The following NYAP2 variants were observed in gnomAD, a reference collection of about 807,000 sequenced individuals.
NYAP2 encodes the protein neuronal tyrosine-phosphorylated phosphoinositide-3-kinase adaptor 2.
NYAP2 carries 23 observed loss-of-function variants against 50.4 expected under a neutral mutation model. The observed-to-expected ratio is 0.46, with a 90% CI of 0.33 to 0.65. NYAP2 has a LOEUF of 0.65. NYAP2 is among the 30% of genes least tolerant of loss of function. NYAP2 has a pLI of 0.02. For synonymous variants in NYAP2, 394 were observed against 365.2 expected, an observed-to-expected ratio of 1.08 and a Z score of -0.90; for missense variants, 885 against 861.0, an observed-to-expected ratio of 1.03 and a Z score of -0.35.
At chr2:225,520,842 G>A (rs1329854899) in intron 4 of NYAP2, among the ~76,000 whole-genome samples, 1 of 152,084 alleles carries the variant, frequency 6.6e-6, no homozygotes, top group African/African-American at 2.4e-5. Flanking sequence ...GGATAGTATT[G>A]AATCTATAAA....
At chr2:225,495,579 A>G (rs376143592) in intron 3 of NYAP2, among the ~76,000 whole-genome samples, 10 of 152,100 alleles carry the variant, frequency 6.6e-5, no homozygotes, top group Admixed American at 6.6e-4. Flanking sequence ...TTGTTGAATG[A>G]CTAGGGCCTA....
chr2:225,552,894 G>C (rs551528061), intron 4 of NYAP2, among the ~76,000 whole-genome samples: 2 of 152,024 alleles, frequency 1.3e-5, no homozygotes, highest in Non-Finnish European at 2.9e-5. Context: ...CACCATATTG[G>C]CCAGGTTGGT....
At chr2:225,581,965 G>A in exon 5 of NYAP2, 1 of 1,608,618 alleles carries the variant, frequency 6.2e-7, no homozygotes, top group Non-Finnish European at 8.5e-7. Context: ...AGACCCCACA[G>A]CGATGAATAT....
intron 5 of NYAP2, among the ~76,000 whole-genome samples, chr2:225,599,572 C>T (rs1170678676): frequency 6.6e-6 from 1 of 152,236 alleles, no homozygotes; most frequent in African/African-American, 2.4e-5. Context: ...AGCCACAGAC[C>T]TTCATGGCTT....
At chr2:225,413,697 A>C (rs1695082643) in intron 3 of NYAP2, among the ~76,000 whole-genome samples, 2 of 152,174 alleles carry the variant, frequency 1.3e-5, no homozygotes, top group African/African-American at 2.4e-5. Context: ...ATCTAAACCT[A>C]ACACGTTTTA....
intron 6 of NYAP2, among the ~76,000 whole-genome samples, chr2:225,645,062 C>G (rs1012344142): frequency 3.9e-5 from 6 of 152,086 alleles, no homozygotes. Context: ...GGGTTCGAGA[C>G]CAGCTTGGCC....
chr2:225,561,820 T>C (rs1691881106), intron 4 of NYAP2, among the ~76,000 whole-genome samples: 1 of 152,154 alleles, frequency 6.6e-6, no homozygotes, highest in Non-Finnish European at 1.5e-5. Flanking sequence ...ATTATATGTA[T>C]CATGTTATGT....
intron 3 of NYAP2, among the ~76,000 whole-genome samples, chr2:225,469,514 G>A (rs1385626439): frequency 6.6e-6 from 1 of 152,068 alleles, no homozygotes; most frequent in Non-Finnish European, 1.5e-5. Context: ...TATACCCAAA[G>A]GATTATAAAT....
At chr2:225,566,532 G>T (rs1056559029) in intron 4 of NYAP2, among the ~76,000 whole-genome samples, 1 of 152,206 alleles carries the variant, frequency 6.6e-6, no homozygotes, top group Non-Finnish European at 1.5e-5. Flanking sequence ...ATCCCCCTGG[G>T]TTGAATCCAA....
rs143004489 is a variant in NYAP2 at position 225,555,123 on chromosome 2, T to C, written c.524-26818T>C. Among the ~76,000 whole-genome samples, 4 of 152,302 alleles carry C rather than the reference T, an allele frequency of 2.6e-5. No homozygotes were observed. In the East Asian group the frequency reaches 7.7e-4, roughly 29 times the overall value. On this transcript the variant is annotated intron_variant, in intron 4 of 6. Transcript: ENST00000636099. ...CTTTTGAATGATTTTCAGAAAATAA[T>C]TCTGAGACTGAAATCATCATATTCA... is the stretch of plus-strand genomic sequence containing the variant.
At chr2:225,540,487 C>T (rs756509494) in intron 4 of NYAP2, among the ~76,000 whole-genome samples, 1 of 152,156 alleles carries the variant, frequency 6.6e-6, no homozygotes, top group Non-Finnish European at 1.5e-5. Context: ...AATAACCATC[C>T]AATCTCATGA....
In NYAP2 at chr2:225,567,939, C is replaced by T. The variant is rs116017596; in HGVS notation, c.524-14002C>T. On this transcript the variant is annotated intron_variant, in intron 4 of 6. Coordinates refer to ENST00000636099, the Ensembl canonical transcript of NYAP2. ...CATATTTTGCAGTAATTCTTTACTA[C>T]TTCAGAGCAATCCCACATGGCATCA... Among the ~76,000 whole-genome samples the T allele has an allele frequency of 9.6e-4, 146 of 152,228 alleles. 1 individual carries two copies. Among genetic ancestry groups the T allele is most frequent in the African/African-American group, 3.3e-3 (138 of 41,540 alleles).
chr2:225,692,896 T>C, the NYAP2 span, among the ~76,000 whole-genome samples: 1 of 151,688 alleles, frequency 6.6e-6, no homozygotes, highest in African/African-American at 2.4e-5. Context: ...CACACACATA[T>C]ATTTACACAT....
chr2:225,400,145 A>G lies in NYAP2; in HGVS notation c.-611A>G, dbSNP rs984797483. ...TCTTCAGTTGCTTCTCCCTTTTCCA[A>G]TGGGCCTAGTGAGCAGGAACTATCC... On this transcript the variant is annotated 5_prime_UTR_variant, in exon 1 of 7. An upstream start codon of the reference 5' UTR is lost. Coordinates refer to ENST00000636099, the Ensembl canonical transcript of NYAP2. The G allele has an allele frequency of 5.3e-5, 8 of 152,004 alleles. No individual in the cohort carries two copies. The highest frequency in any genetic ancestry group is 1.7e-4 in the African/African-American group (7 of 41,404). The allele number at this position is 152,004 out of a possible 1,614,324, so 9.4% of individuals were successfully genotyped here.
intron 3 of NYAP2, among the ~76,000 whole-genome samples, chr2:225,441,547 G>A (rs1471547199): frequency 6.6e-6 from 1 of 152,162 alleles, no homozygotes; most frequent in Non-Finnish European, 1.5e-5. Context: ...TGCAGGGCTG[G>A]GGAGGCCTCA....
At chr2:225,506,694 A>G (rs2011387) in intron 3 of NYAP2, among the ~76,000 whole-genome samples, 34,199 of 152,084 alleles carry the variant, frequency 0.22, 3,888 homozygotes, top group African/African-American at 0.26. Flanking sequence ...CATACTTTTA[A>G]TGAAGAAAGT....
intron 4 of NYAP2, among the ~76,000 whole-genome samples, chr2:225,576,392 T>G (rs909764452): frequency 6.6e-6 from 1 of 152,202 alleles, no homozygotes. Flanking sequence ...CATTTGCAAC[T>G]TCCATTCCTT....
chr2:225,491,133 C>T (rs1315615494), intron 3 of NYAP2, among the ~76,000 whole-genome samples: 1 of 151,144 alleles, frequency 6.6e-6, no homozygotes, highest in Non-Finnish European at 1.5e-5. Context: ...TGTAAAAAGG[C>T]AAAAAAGAAA....
chr2:225,423,563 G>A (rs1695245683), intron 3 of NYAP2, among the ~76,000 whole-genome samples: 1 of 152,150 alleles, frequency 6.6e-6, no homozygotes. Context: ...AATGGCCTCA[G>A]TGAACATGTG....
Sources: gnomAD v4.1 joint callset for allele counts (sites outside exome capture counted in the v4.1 genomes callset) on GRCh38, gnomAD v4.1.1 for gene constraint, MANE v1.5 for transcripts, NCBI Gene and HGNC (gene_info 2026-07-23, HGNC 2026-07-21) for gene names.